DGKB: variants seen among roughly 807,000 people sequenced by gnomAD.
DGKB encodes the protein diacylglycerol kinase beta.
DGKB carries 67 observed loss-of-function variants against 114.3 expected under a neutral mutation model. The ratio of observed to expected loss-of-function variants is 0.59; its 90% CI spans 0.48 to 0.72. The LOEUF is 0.72. Among genes scored for constraint, DGKB ranks in the 30% least tolerant of loss-of-function variants. DGKB has a pLI of 0.00. For missense variants in DGKB, 907 were observed against 975.2 expected (o/e 0.93, Z 0.93); for synonymous variants, 398 against 323.1 (o/e 1.23, Z -2.49).
intron 23 of DGKB, chr7:14,191,042 C>G (rs1052580049): frequency 1.3e-5 from 2 of 154,698 alleles, no homozygotes; most frequent in Admixed American, 6.5e-5. Context: ...AATTTGAGAC[C>G]AGCAGTTACT....
At chr7:14,610,034 G>C (rs566089459) in intron 16 of DGKB, among the ~76,000 whole-genome samples, 1 of 152,016 alleles carries the variant, frequency 6.6e-6, no homozygotes, top group East Asian at 1.9e-4. Context: ...TAAACTCGAA[G>C]GAAAACATAC....
chr7:14,805,187 GT>G (rs543559297), intron 2 of DGKB, among the ~76,000 whole-genome samples: 42 of 152,138 alleles, frequency 2.8e-4, no homozygotes, highest in Admixed American at 2.5e-3. Context: ...ATTTCCAGGA[GT>G]GCAGCATAGC....
At chr7:14,269,065 C>T (rs1308125371) in intron 23 of DGKB, 1 of 152,156 alleles carries the variant, frequency 6.6e-6, no homozygotes, top group East Asian at 1.9e-4. Context: ...CATGATGGCT[C>T]ATTTGCGTGG....
intron 1 of DGKB, among the ~76,000 whole-genome samples, chr7:14,943,607 T>C (rs1034635646): frequency 3.4e-5 from 5 of 148,476 alleles, no homozygotes; most frequent in African/African-American, 1.2e-4. Context: ...TATAAAGAAA[T>C]TTGATTTGTA....
chr7:14,615,229 T>A (rs984129100), intron 15 of DGKB, among the ~76,000 whole-genome samples: 4 of 152,002 alleles, frequency 2.6e-5, no homozygotes, highest in Non-Finnish European at 5.9e-5. Flanking sequence ...AGCAAAGTAT[T>A]AACTCTGAAC....
chr7:14,880,373 G>C (rs1389857783), intron 1 of DGKB, among the ~76,000 whole-genome samples: 1 of 152,124 alleles, frequency 6.6e-6, no homozygotes, highest in African/African-American at 2.4e-5. Flanking sequence ...TAGAAGAATT[G>C]CTTGAACCTG....
chr7:14,491,064 G>C (rs1274951812), intron 20 of DGKB, among the ~76,000 whole-genome samples: 1 of 151,856 alleles, frequency 6.6e-6, no homozygotes, highest in Non-Finnish European at 1.5e-5. Flanking sequence ...AAGTGAGAAT[G>C]AGTTTAGTCT....
At chr7:14,888,428 C>T (rs1216780091) in intron 1 of DGKB, among the ~76,000 whole-genome samples, 1 of 151,774 alleles carries the variant, frequency 6.6e-6, no homozygotes, top group Non-Finnish European at 1.5e-5. Flanking sequence ...AGGATTGTCC[C>T]TCTTCATTTT....
chr7:14,297,907 A>G (rs1431326844), intron 23 of DGKB, among the ~76,000 whole-genome samples: 1 of 152,154 alleles, frequency 6.6e-6, no homozygotes. Flanking sequence ...CCTATACACC[A>G]ATAATAGACA....
At chr7:14,404,206 T>G (rs1328124826) in intron 21 of DGKB, among the ~76,000 whole-genome samples, 1 of 151,094 alleles carries the variant, frequency 6.6e-6, no homozygotes, top group Non-Finnish European at 1.5e-5. Context: ...TGTGAGAAAC[T>G]GTTGGATGCT....
rs1184359334 is a variant in DGKB, at chr7:14,754,105, G to A, written c.148-157C>T. Reference sequence around the variant, plus strand: ...GGCCTCAAAAGGTGGTTCCGAAACAGTGGCATCAGCATAAGTTAGAAAACT... The same window carrying A: ...GGCCTCAAAAGGTGGTTCCGAAACAATGGCATCAGCATAAGTTAGAAAACT... On this transcript the variant is annotated intron_variant, in intron 3 of 25. Transcript: ENST00000402815. Among the ~76,000 whole-genome samples the A allele has an allele frequency of 4.6e-5, 7 of 152,058 alleles. No individual in the cohort carries two copies. In the East Asian group the frequency reaches 1.4e-3, roughly 29 times the overall value.
At chr7:14,526,414 A>T (rs1790655339) in intron 20 of DGKB, among the ~76,000 whole-genome samples, 1 of 152,122 alleles carries the variant, frequency 6.6e-6, no homozygotes, top group Non-Finnish European at 1.5e-5. Flanking sequence ...AACTCCACTG[A>T]GAACCTGTGT....
chr7:14,281,078 G>C (rs1799871218), intron 23 of DGKB, among the ~76,000 whole-genome samples: 1 of 148,090 alleles, frequency 6.8e-6, no homozygotes, highest in Non-Finnish European at 1.5e-5. Context: ...ATTGGATAAA[G>C]AGTCAAGACC....
intron 2 of DGKB, among the ~76,000 whole-genome samples, chr7:14,828,936 A>C (rs956007069): frequency 6.6e-6 from 1 of 152,130 alleles, no homozygotes; most frequent in African/African-American, 2.4e-5. Context: ...GAAGTGACAC[A>C]TGTGGAGCCA....
At chr7:14,640,053 C>T (rs1811456261) in intron 13 of DGKB, among the ~76,000 whole-genome samples, 1 of 152,142 alleles carries the variant, frequency 6.6e-6, no homozygotes, top group Non-Finnish European at 1.5e-5. Context: ...AATAGAATTG[C>T]ACAGGAGAAG....
intron 23 of DGKB, among the ~76,000 whole-genome samples, chr7:14,267,535 C>A (rs559462435): frequency 2.7e-4 from 41 of 151,112 alleles, no homozygotes; most frequent in African/African-American, 9.5e-4. Flanking sequence ...GTTGCCCAGG[C>A]TGGAGTGCAG....
At chr7:14,500,911 C>T (rs1042974338) in intron 20 of DGKB, among the ~76,000 whole-genome samples, 1 of 151,810 alleles carries the variant, frequency 6.6e-6, no homozygotes, top group African/African-American at 2.4e-5. Flanking sequence ...CGGCTGTAAA[C>T]ATTTCTAGGC....
chr7:14,812,592 T>C (rs1435501132), intron 2 of DGKB, among the ~76,000 whole-genome samples: 1 of 152,132 alleles, frequency 6.6e-6, no homozygotes, highest in African/African-American at 2.4e-5. Flanking sequence ...TTCCAAAAAT[T>C]AAAAATGTCT....
intron 5 of DGKB, among the ~76,000 whole-genome samples, chr7:14,719,113 A>G (rs1486531398): frequency 6.6e-6 from 1 of 152,196 alleles, no homozygotes; most frequent in Non-Finnish European, 1.5e-5. Context: ...TAATTTCTCT[A>G]TTCATAATAA....
Sources: gnomAD v4.1 joint callset for allele counts (sites outside exome capture counted in the v4.1 genomes callset) on GRCh38, gnomAD v4.1.1 for gene constraint, MANE v1.5 for transcripts, NCBI Gene and HGNC (gene_info 2026-07-23, HGNC 2026-07-21) for gene names.